KATNAL2: variants seen among roughly 807,000 people sequenced by gnomAD.
KATNAL2 encodes the protein katanin catalytic subunit A1 like 2.
Under a neutral mutation model 76.3 loss-of-function variants are expected in KATNAL2, and 52 were observed. That is an observed-to-expected ratio of 0.68 (90% CI 0.55 to 0.86). The LOEUF (loss-of-function observed/expected upper bound fraction) is 0.86. Ranked by LOEUF, KATNAL2 falls within the 40% of genes least tolerant of loss-of-function variation. The probability of loss-of-function intolerance (pLI) is 0.00; values close to 1 mark genes in which losing one functional copy is unlikely to be tolerated. For missense variants in KATNAL2, 660 were observed against 668.9 expected (o/e 0.99, Z 0.15); for synonymous variants, 243 against 244.2 (o/e 1.00, Z 0.05).
chr18:47,068,808 A>G (rs72903252), intron 11 of KATNAL2, among the ~76,000 whole-genome samples: 4,012 of 152,202 alleles, frequency 0.026, 60 homozygotes, highest in Non-Finnish European at 0.041. Flanking sequence ...ATTCGAATAA[A>G]CCTTTACTAA....
chr18:46,959,479 C>T (rs1049542738), intron 3 of KATNAL2, among the ~76,000 whole-genome samples: 8 of 152,182 alleles, frequency 5.3e-5, no homozygotes, highest in Non-Finnish European at 8.8e-5. Context: ...AAAAAACTAA[C>T]TGAGAATATA....
chr18:46,923,695 T>C (rs576526464), intron 1 of KATNAL2, among the ~76,000 whole-genome samples: 1 of 152,324 alleles, frequency 6.6e-6, no homozygotes, highest in South Asian at 2.1e-4. Flanking sequence ...CCACCAACAT[T>C]GTCAAAGTGT....
intron 3 of KATNAL2, among the ~76,000 whole-genome samples, chr18:46,955,074 A>G (rs910122468): frequency 2.7e-5 from 4 of 146,960 alleles, no homozygotes; most frequent in African/African-American, 1.0e-4. Flanking sequence ...CCCTGTGTCA[A>G]TTTCCTTCCT....
chr18:47,079,051 C>T (rs1043556054), intron 15 of KATNAL2, among the ~76,000 whole-genome samples: 1 of 151,970 alleles, frequency 6.6e-6, no homozygotes, highest in Non-Finnish European at 1.5e-5. Flanking sequence ...AGAATGAACC[C>T]ACCATCTCCC....
chr18:47,099,338 T>C lies in KATNAL2; in HGVS notation c.1307T>C (p.Leu436Pro). 1.2e-6 allele frequency: 2 copies of C among 1,614,122 alleles called. No homozygotes were observed. Among genetic ancestry groups the C allele is most frequent in the Non-Finnish European group, 1.7e-6 (2 of 1,179,970 alleles). The change falls in exon 16 of 18, where the codon CTG becomes CCG. Residue 436 changes from leucine (L) to proline (P), a missense_variant. By Grantham distance (98) the Leu-to-Pro change is moderately conservative (BLOSUM62 -3). Transcript: ENST00000683218. Reference sequence around the variant, plus strand: ...AGGCAGGCCATGATCTACCACTGGCTGCCTCCTGTGAGCAAGAGCAGGGCC... The same window carrying C: ...AGGCAGGCCATGATCTACCACTGGCCGCCTCCTGTGAGCAAGAGCAGGGCC... ...EARQAMIYHW[L>P]PPVSKSRALE...
chr18:47,059,432 T>A, intron 7 of KATNAL2, 124 bp from the exon 8 acceptor site: 1 of 703,912 alleles, frequency 1.4e-6, no homozygotes, highest in Non-Finnish European at 2.6e-6. Flanking sequence ...CTAAGCTACA[T>A]GTGCATGTCG....
intron 13 of KATNAL2, among the ~76,000 whole-genome samples, chr18:47,071,106 G>C (rs756854782): frequency 6.6e-6 from 1 of 152,096 alleles, no homozygotes. Flanking sequence ...GGTTTCCCAG[G>C]ATCGACTGTG....
chr18:47,047,722 T>C (rs1025672358), intron 4 of KATNAL2, among the ~76,000 whole-genome samples: 1 of 149,160 alleles, frequency 6.7e-6, no homozygotes, highest in South Asian at 2.1e-4. Context: ...CTTACAAACT[T>C]TTTTTTTTTT....
At chr18:47,034,051 G>A (rs757925387) in intron 3 of KATNAL2, 2 of 1,614,216 alleles carry the variant, frequency 1.2e-6, no homozygotes, top group Non-Finnish European at 1.7e-6. Context: ...TCCAAGTGCA[G>A]TGGTGGCAGA....
intron 6 of KATNAL2, among the ~76,000 whole-genome samples, chr18:47,056,311 G>A (rs1161836713): frequency 6.6e-6 from 1 of 152,230 alleles, no homozygotes. Context: ...TGTGACATGA[G>A]TGCTACTGTG....
At chr18:47,034,360 T>C in intron 3 of KATNAL2, 2 of 1,613,966 alleles carry the variant, frequency 1.2e-6, no homozygotes, top group South Asian at 2.2e-5. Flanking sequence ...CTGGTGACTG[T>C]CTGGAGCCTC....
At chr18:47,057,098 C>T (rs1216069867) in intron 6 of KATNAL2, among the ~76,000 whole-genome samples, 3 of 152,118 alleles carry the variant, frequency 2.0e-5, no homozygotes, top group Non-Finnish European at 2.9e-5. Flanking sequence ...GTGGTGTTAT[C>T]GACATGTGTG....
chr18:46,921,898 C>A (rs1232122759), intron 1 of KATNAL2, among the ~76,000 whole-genome samples: 1 of 152,074 alleles, frequency 6.6e-6, no homozygotes, highest in Non-Finnish European at 1.5e-5. Flanking sequence ...TTCCTTCCCA[C>A]TGATTACTTC....
chr18:46,944,861 A>G (rs2059342026), intron 1 of KATNAL2, among the ~76,000 whole-genome samples: 1 of 152,232 alleles, frequency 6.6e-6, no homozygotes, highest in South Asian at 2.1e-4. Context: ...CGGGAGGCGG[A>G]GGTTGCAGTG....
chr18:47,100,468 T>C lies in KATNAL2; in HGVS notation c.1477+112T>C. The C allele has an allele frequency of 6.2e-6, 5 of 807,998 alleles. No homozygotes were observed. The South Asian group carries it at 8.5e-5, about 14-fold the overall frequency. 50.1% of individuals were successfully genotyped at this position (807,998 alleles called of 1,614,324 possible). On this transcript the variant is annotated intron_variant, in intron 17 of 17. Coordinates refer to ENST00000683218, the MANE Select transcript of KATNAL2 (RefSeq NM_001387690.1). ...GTGCCGCTTTACACTTGGCAATGCGTTTTTTGGTCAAATCATCCCTCACTC... is the reference window on the plus strand; with the variant it reads ...GTGCCGCTTTACACTTGGCAATGCGCTTTTTGGTCAAATCATCCCTCACTC...
At chr18:46,924,375 C>A (rs576463426) in intron 1 of KATNAL2, among the ~76,000 whole-genome samples, 1 of 152,278 alleles carries the variant, frequency 6.6e-6, no homozygotes, top group East Asian at 1.9e-4. Context: ...TGTCAAAGAT[C>A]AGATAGTTGT....
intron 3 of KATNAL2, among the ~76,000 whole-genome samples, chr18:46,954,326 CTTTTTTT>C (rs57075892): frequency 8.3e-6 from 1 of 121,138 alleles, no homozygotes; most frequent in African/African-American, 3.2e-5. Context: ...TCTTCTTCGT[CTTTTTTT>C]TTTTTTTTTT....
At chr18:47,033,930 G>T (rs924602075) in intron 3 of KATNAL2, 1 of 1,612,702 alleles carries the variant, frequency 6.2e-7, no homozygotes, top group African/African-American at 1.3e-5. Context: ...CGGAATCAGC[G>T]CCGGCCGCCT....
intron 5 of KATNAL2, among the ~76,000 whole-genome samples, chr18:47,053,941 G>T (rs1340254633): frequency 6.6e-6 from 1 of 152,196 alleles, no homozygotes; most frequent in Non-Finnish European, 1.5e-5. Flanking sequence ...TTCCCATCTA[G>T]CATGATACCC....
Sources: gnomAD v4.1 joint callset for allele counts (sites outside exome capture counted in the v4.1 genomes callset) on GRCh38, gnomAD v4.1.1 for gene constraint, MANE v1.5 for transcripts, NCBI Gene and HGNC (gene_info 2026-07-23, HGNC 2026-07-21) for gene names.